The following RAPGEF4 variants were observed in gnomAD, a reference collection of about 807,000 sequenced individuals.
The protein encoded by RAPGEF4 is RAP guanine-nucleotide-exchange factor (GEF) 4.
RAPGEF4 carries 66 observed loss-of-function variants against 147.9 expected under a neutral mutation model. The observed-to-expected ratio is 0.45, with a 90% CI of 0.37 to 0.55. The LOEUF (loss-of-function observed/expected upper bound fraction) is 0.55. RAPGEF4 is among the 20% of genes least tolerant of loss of function. The probability of loss-of-function intolerance (pLI) is 0.00; values close to 1 mark genes in which losing one functional copy is unlikely to be tolerated. For synonymous variants in RAPGEF4, 419 were observed against 442.7 expected (o/e 0.95, Z 0.67); for missense variants, 1,071 against 1,257.3 (o/e 0.85, Z 2.24).
At chr2:172,841,315 A>T (rs1407525723) in intron 4 of RAPGEF4, among the ~76,000 whole-genome samples, 1 of 152,158 alleles carries the variant, frequency 6.6e-6, no homozygotes, top group East Asian at 1.9e-4. Flanking sequence ...AGTAATCGTT[A>T]TACATTTCAG....
chr2:172,812,729 T>A (rs756838992), intron 3 of RAPGEF4, among the ~76,000 whole-genome samples: 3 of 152,216 alleles, frequency 2.0e-5, no homozygotes, highest in Non-Finnish European at 4.4e-5. Flanking sequence ...CATTTCAGGT[T>A]TTTAAGACAT....
intron 4 of RAPGEF4, among the ~76,000 whole-genome samples, chr2:172,849,814 G>A (rs1692611994): frequency 6.6e-6 from 1 of 152,240 alleles, no homozygotes; most frequent in Non-Finnish European, 1.5e-5. Flanking sequence ...TTGCTTGTCT[G>A]TAGATGAATT....
At chr2:172,779,494 G>A (rs952583030) in intron 1 of RAPGEF4, among the ~76,000 whole-genome samples, 8 of 152,146 alleles carry the variant, frequency 5.3e-5, no homozygotes, top group Non-Finnish European at 1.2e-4. Context: ...GCCAAGACAC[G>A]AGTGTGTTTG....
chr2:172,978,121 G>A (rs1408730926), intron 10 of RAPGEF4, among the ~76,000 whole-genome samples: 2 of 151,594 alleles, frequency 1.3e-5, no homozygotes, highest in African/African-American at 2.4e-5. Flanking sequence ...CTTTCTCTGC[G>A]TGGGTTGTTG....
At chr2:172,849,550 AAGTC>A (rs1692583569) in intron 4 of RAPGEF4, among the ~76,000 whole-genome samples, 1 of 152,246 alleles carries the variant, frequency 6.6e-6, no homozygotes. Context: ...CAGTATGAGA[AAGTC>A]AGGAAGATTG....
chr2:172,779,173 C>T (rs1451829419), intron 1 of RAPGEF4, among the ~76,000 whole-genome samples: 1 of 151,936 alleles, frequency 6.6e-6, no homozygotes, highest in African/African-American at 2.4e-5. Context: ...AAAAAGAATC[C>T]CTGCTTTTAT....
rs1689752160 is a variant in RAPGEF4 at position 172,965,654 on chromosome 2, T to C, written c.791T>C (p.Val264Ala). 2 of 1,614,012 alleles carry C rather than the reference T, an allele frequency of 1.2e-6. No homozygotes were observed. The highest frequency in any genetic ancestry group is 1.1e-5 in the South Asian group (1 of 91,074). Reference sequence around the variant, plus strand: ...ACTCAAGCTGTTGGCATGTGGCAAGTCCTGTTAGAAGATGGTGTTCTCAAC... The same window carrying C: ...ACTCAAGCTGTTGGCATGTGGCAAGCCCTGTTAGAAGATGGTGTTCTCAAC... ...SRTQAVGMWQ[V>A]LLEDGVLNHV... The change falls in exon 9 of 31, where the codon GTC becomes GCC. Residue 264 changes from valine (V) to alanine (A), a missense_variant. Physicochemically the swap from Val to Ala is moderately conservative, Grantham distance 64 (BLOSUM62 0). Coordinates refer to ENST00000397081, the MANE Select transcript of RAPGEF4 (RefSeq NM_007023.4).
chr2:172,927,072 T>G (rs1469031829), intron 6 of RAPGEF4, among the ~76,000 whole-genome samples: 1 of 152,186 alleles, frequency 6.6e-6, no homozygotes, highest in Non-Finnish European at 1.5e-5. Flanking sequence ...AAGTCTCATC[T>G]TAAGGAGATT....
intron 25 of RAPGEF4, among the ~76,000 whole-genome samples, chr2:173,029,649 C>G (rs778862625): frequency 2.4e-4 from 37 of 152,142 alleles, no homozygotes; most frequent in Non-Finnish European, 5.0e-4. Context: ...GAGTGCCCAG[C>G]CTATAGAGAT....
intron 6 of RAPGEF4, among the ~76,000 whole-genome samples, chr2:172,930,180 A>T (rs1685769223): frequency 6.6e-6 from 1 of 152,168 alleles, no homozygotes; most frequent in South Asian, 2.1e-4. Flanking sequence ...CATTGCATGA[A>T]CACAGGAAAA....
rs187861321 is a variant in RAPGEF4, at chr2:172,815,898, C to A, written c.444+1473C>A. Among the ~76,000 whole-genome samples, 3 of 152,140 alleles carry A rather than the reference C, an allele frequency of 2.0e-5. No individual in the cohort carries two copies. In the East Asian group the frequency reaches 5.8e-4, roughly 29 times the overall value. On this transcript the variant is annotated intron_variant, in intron 4 of 30. Transcript: ENST00000397081. ...AAAAATTTCAAATAGACAGAAAAAT[C>A]AAAAAGTATAGTACAATGAACACCC...
chr2:172,926,718 C>T (rs1391607301), intron 6 of RAPGEF4, among the ~76,000 whole-genome samples: 3 of 151,970 alleles, frequency 2.0e-5, no homozygotes, highest in Non-Finnish European at 2.9e-5. Flanking sequence ...ACTACAGGCG[C>T]GTGCCACCAT....
chr2:172,761,983 G>A (rs922332067), intron 1 of RAPGEF4, among the ~76,000 whole-genome samples: 6 of 152,122 alleles, frequency 3.9e-5, no homozygotes, highest in Admixed American at 2.0e-4. Context: ...TTAGCCAAGG[G>A]TGGTAACGAG....
chr2:172,983,825 T>G (rs1691954355), intron 11 of RAPGEF4, among the ~76,000 whole-genome samples: 1 of 152,136 alleles, frequency 6.6e-6, no homozygotes, highest in Non-Finnish European at 1.5e-5. Context: ...CCCATGTGAG[T>G]AGGGTTGGAA....
At chr2:172,803,502 C>T (rs1166751619) in intron 3 of RAPGEF4, among the ~76,000 whole-genome samples, 1 of 152,204 alleles carries the variant, frequency 6.6e-6, no homozygotes, top group Non-Finnish European at 1.5e-5. Flanking sequence ...GTACCCTGGG[C>T]TTGGCCCATG....
intron 4 of RAPGEF4, among the ~76,000 whole-genome samples, chr2:172,897,844 G>A (rs1052711305): frequency 4.1e-5 from 6 of 147,566 alleles, no homozygotes; most frequent in Non-Finnish European, 8.9e-5. Context: ...TAGCTTCACG[G>A]CACAGCAACT....
At chr2:172,991,358 T>C (rs1467390593) in intron 15 of RAPGEF4, among the ~76,000 whole-genome samples, 1 of 152,188 alleles carries the variant, frequency 6.6e-6, no homozygotes, top group Non-Finnish European at 1.5e-5. Context: ...GCGTCTTTGA[T>C]GGAAACCCAG....
chr2:173,002,494 G>T (rs999155389), intron 17 of RAPGEF4, among the ~76,000 whole-genome samples: 1 of 152,068 alleles, frequency 6.6e-6, no homozygotes, highest in South Asian at 2.1e-4. Flanking sequence ...ACTCAATTTT[G>T]GGAGCATGTG....
chr2:173,022,272 CCT>C (rs1362391616), intron 23 of RAPGEF4, among the ~76,000 whole-genome samples: 2 of 152,184 alleles, frequency 1.3e-5, no homozygotes, highest in African/African-American at 4.8e-5. Context: ...ACTTTCTAAA[CCT>C]CTGTTTGTTG....
Sources: gnomAD v4.1 joint callset for allele counts (sites outside exome capture counted in the v4.1 genomes callset) on GRCh38, gnomAD v4.1.1 for gene constraint, MANE v1.5 for transcripts, NCBI Gene and HGNC (gene_info 2026-07-23, HGNC 2026-07-21) for gene names.